Variants in NRCAM observed in about 807,000 individuals in gnomAD.
NRCAM encodes the protein neuronal cell adhesion molecule, also known as NgCAM-related cell adhesion molecule.
In NRCAM, 83 loss-of-function variants were observed where a neutral mutation model predicts 156.5. The ratio of observed to expected loss-of-function variants is 0.53; its 90% CI spans 0.44 to 0.64. The LOEUF is 0.64. Among genes scored for constraint, NRCAM ranks in the 30% least tolerant of loss-of-function variants. NRCAM has a pLI of 0.00. For synonymous variants in NRCAM, 538 were observed against 563.9 expected, an observed-to-expected ratio of 0.95 and a Z score of 0.65; for missense variants, 1,417 against 1,597.3, an observed-to-expected ratio of 0.89 and a Z score of 1.92.
chr7:108,350,405 G>A (rs191464576), intron 2 of NRCAM, among the ~76,000 whole-genome samples: 35 of 152,304 alleles, frequency 2.3e-4, no homozygotes, highest in Admixed American at 7.8e-4. Context: ...GCCTAGGTGC[G>A]AGGATAGGCC....
At chr7:108,450,257 C>CTTTTTTTTTTTTTTTTTTTTT (rs11316439) in intron 1 of NRCAM, among the ~76,000 whole-genome samples, 2 of 144,976 alleles carry the variant, frequency 1.4e-5, no homozygotes, top group Non-Finnish European at 1.5e-5. Flanking sequence ...TTACCACTGG[C>CTTTTTTTTTTTTTTTTTTTTT]TTTTTTTTTT....
intron 4 of NRCAM, among the ~76,000 whole-genome samples, chr7:108,239,008 C>G (rs568403437): frequency 6.6e-6 from 1 of 152,042 alleles, no homozygotes; most frequent in Non-Finnish European, 1.5e-5. Context: ...CTTCCTTGCA[C>G]CTTGGAAAGC....
At chr7:108,294,517 A>C (rs960698261) in intron 3 of NRCAM, among the ~76,000 whole-genome samples, 1 of 152,240 alleles carries the variant, frequency 6.6e-6, no homozygotes, top group Non-Finnish European at 1.5e-5. Flanking sequence ...GATATAAAGC[A>C]AATGACACTG....
At position 108,335,434 on chromosome 7, in the gene NRCAM, C is replaced by CTTTTTTTTTTTT. The variant is rs58975301; in HGVS notation, c.-173-22715_-173-22704dup. Among the ~76,000 whole-genome samples the CTTTTTTTTTTTT allele has an allele frequency of 3.2e-3, 221 of 69,880 alleles. 7 individuals carry two copies. Among genetic ancestry groups the CTTTTTTTTTTTT allele is most frequent in the East Asian group, 9.9e-3 (19 of 1,914 alleles). The allele number at this position is 69,880 out of a possible 152,430, so 45.8% of individuals were successfully genotyped here. ...ATGTCCTGTGGATCTGTTCCACCTG[C>CTTTTTTTTTTTT]TTTTTTTTTTTTTTTTTTTTTTTTT... On this transcript the variant is annotated intron_variant, in intron 2 of 32. Transcript: ENST00000379028.
At chr7:108,455,180 C>T (rs1421928848) in intron 1 of NRCAM, among the ~76,000 whole-genome samples, 4 of 152,168 alleles carry the variant, frequency 2.6e-5, no homozygotes, top group Non-Finnish European at 5.9e-5. Context: ...TGACGACTCC[C>T]TTGCTCACCC....
intron 2 of NRCAM, among the ~76,000 whole-genome samples, chr7:108,367,466 C>G (rs1391817530): frequency 6.6e-6 from 1 of 152,070 alleles, no homozygotes; most frequent in Non-Finnish European, 1.5e-5. Flanking sequence ...CTATAAAGAT[C>G]CTAAAGCAAC....
intron 3 of NRCAM, among the ~76,000 whole-genome samples, chr7:108,280,966 G>C (rs2097840493): frequency 6.6e-6 from 1 of 152,148 alleles, no homozygotes; most frequent in Admixed American, 6.5e-5. Flanking sequence ...TGAAAAACCT[G>C]TTCTGAAGTC....
At chr7:108,355,154 A>G (rs1388353217) in intron 2 of NRCAM, among the ~76,000 whole-genome samples, 2 of 152,166 alleles carry the variant, frequency 1.3e-5, no homozygotes, top group Non-Finnish European at 2.9e-5. Flanking sequence ...GTCCCATGTA[A>G]TTTTTCCATG....
intron 8 of NRCAM, among the ~76,000 whole-genome samples, chr7:108,229,173 C>A (rs1016283615): frequency 1.3e-5 from 2 of 152,176 alleles, no homozygotes; most frequent in Admixed American, 1.3e-4. Context: ...ATGTCAAATT[C>A]AGTAGTCATT....
At chr7:108,223,242 C>T (rs565266688) in intron 11 of NRCAM, among the ~76,000 whole-genome samples, 42 of 152,154 alleles carry the variant, frequency 2.8e-4, no homozygotes, top group Non-Finnish European at 4.7e-4. Flanking sequence ...GATACATGAG[C>T]ATGCTTAACT....
chr7:108,393,665 C>T (rs1187301535), intron 2 of NRCAM, among the ~76,000 whole-genome samples: 2 of 152,178 alleles, frequency 1.3e-5, no homozygotes, highest in Non-Finnish European at 2.9e-5. Flanking sequence ...CAACCGTCTT[C>T]TGTGTCGCTC....
chr7:108,215,663 T>C (rs925191426), intron 11 of NRCAM, among the ~76,000 whole-genome samples: 8 of 152,182 alleles, frequency 5.3e-5, no homozygotes, highest in African/African-American at 1.7e-4. Flanking sequence ...CATTATGTAA[T>C]ACCCTTGTCT....
chr7:108,333,355 TA>T (rs2099146660), intron 2 of NRCAM, among the ~76,000 whole-genome samples: 1 of 152,222 alleles, frequency 6.6e-6, no homozygotes, highest in Non-Finnish European at 1.5e-5. Context: ...CATAGAAGTT[TA>T]TTTTTTAAAT....
intron 1 of NRCAM, among the ~76,000 whole-genome samples, chr7:108,406,857 CT>C (rs1470719375): frequency 2.0e-5 from 3 of 152,160 alleles, no homozygotes. Context: ...TAGTGAGAGC[CT>C]ACTGGGTAAT....
intron 13 of NRCAM, among the ~76,000 whole-genome samples, chr7:108,205,292 A>G (rs994422534): frequency 2.6e-5 from 4 of 152,164 alleles, no homozygotes; most frequent in Non-Finnish European, 4.4e-5. Context: ...TTGATCTTGG[A>G]CTTTCCAGCC....
At chr7:108,394,494 T>C (rs1289725751) in intron 2 of NRCAM, among the ~76,000 whole-genome samples, 1 of 152,230 alleles carries the variant, frequency 6.6e-6, no homozygotes, top group Admixed American at 6.5e-5. Flanking sequence ...TCTCTCCTCT[T>C]AGTCTCTCTC....
intron 9 of NRCAM, 63 bp from the exon 10 acceptor site, chr7:108,225,764 G>A (rs2093343273): frequency 4.9e-6 from 5 of 1,014,774 alleles, no homozygotes; most frequent in Non-Finnish European, 7.9e-6. Flanking sequence ...AAAAAGTATT[G>A]GGCAATAAAA....
intron 3 of NRCAM, among the ~76,000 whole-genome samples, chr7:108,299,114 A>AAAAAAAAAAAAAAAG: frequency 2.0e-4 from 5 of 25,516 alleles, no homozygotes; most frequent in African/African-American, 4.3e-4. Context: ...TCAAAAAAAA[A>AAAAAAAAAAAAAAAG]AAAGAAAGAA....
rs758605185 is a variant in NRCAM, at chr7:108,176,521, G to T, written c.3060C>A (p.Phe1020Leu). The T allele has an allele frequency of 5.6e-6, 9 of 1,613,676 alleles. No homozygotes were observed. In the South Asian group the frequency reaches 9.9e-5, roughly 18 times the overall value. Residue 1020 changes from phenylalanine to leucine, a missense_variant, in exon 27 of 33, where the codon TTC (phenylalanine) becomes TTA (leucine). Phe to Leu is a conservative substitution (Grantham distance 22, BLOSUM62 0). Around this residue, in one of 2 missense-constraint regions of NRCAM, gnomAD observed 1,238 missense variants for 1,336.4 expected, o/e 0.93. Transcript: ENST00000379028. ...AGAAATAAAACTTATATCGAGTGCT[G>T]AAATTTAAATTTTTTAAAGTCCACC... ...KTRWTLKNLNFSTRYKFYFYA... is the reference protein window; with the variant it reads ...KTRWTLKNLNLSTRYKFYFYA...
Sources: allele counts gnomAD v4.1 joint callset (sites outside exome capture counted in the v4.1 genomes callset), GRCh38; gene constraint gnomAD v4.1.1; regional missense constraint gnomAD v4.1.1; transcripts MANE v1.5; gene names NCBI Gene and HGNC (gene_info 2026-07-23, HGNC 2026-07-21).